PPFIA2: variants seen among roughly 807,000 people sequenced by gnomAD.
PPFIA2 encodes the protein liprin-alpha-2.
A neutral mutation model predicts 175.5 loss-of-function variants in PPFIA2; 46 were observed. The ratio of observed to expected loss-of-function variants is 0.26; its 90% confidence interval spans 0.21 to 0.34. The LOEUF is 0.34. PPFIA2 is among the 10% of genes least tolerant of loss of function. The probability of loss-of-function intolerance (pLI) is 1.00; values close to 1 mark genes in which losing one functional copy is unlikely to be tolerated. For synonymous variants in PPFIA2, 568 were observed against 511.4 expected (o/e 1.11, Z -1.49); for missense variants, 1,179 against 1,506.1 (o/e 0.78, Z 3.60).
At chr12:81,375,174 T>G (rs2036078395) in intron 10 of PPFIA2, among the ~76,000 whole-genome samples, 1 of 152,174 alleles carries the variant, frequency 6.6e-6, no homozygotes, top group African/African-American at 2.4e-5. Context: ...AAACATTTTC[T>G]GTAACAGGTC....
At chr12:81,581,028 A>G (rs747100485) in intron 4 of PPFIA2, among the ~76,000 whole-genome samples, 1 of 151,864 alleles carries the variant, frequency 6.6e-6, no homozygotes, top group East Asian at 1.9e-4. Context: ...ACACATTCAT[A>G]TATTGCACCG....
chr12:81,361,845 C>T (rs565271776), intron 15 of PPFIA2, among the ~76,000 whole-genome samples: 13 of 151,618 alleles, frequency 8.6e-5, no homozygotes, highest in South Asian at 4.1e-4. Flanking sequence ...AAGTTTCAAA[C>T]GGCTGCTATT....
In PPFIA2 at chr12:81,274,887, G is replaced by GT. The variant is rs557227976; in HGVS notation, c.3310+2429dup. 2.6e-3 allele frequency among the ~76,000 whole-genome samples: 395 copies of GT among 151,606 alleles called. 3 individuals are homozygous for GT. Among genetic ancestry groups the GT allele is most frequent in the African/African-American group, 8.0e-3 (332 of 41,328 alleles). ...TGTGTGATCATAATGAATCATGGCA[G>GT]TTTTTTTTTCCTCAGAGCTACACTC... On this transcript the variant is annotated intron_variant, in intron 28 of 32. Coordinates refer to ENST00000549396, the MANE Select transcript of PPFIA2 (RefSeq NM_003625.5).
chr12:81,661,088 A>G (rs1418730006), intron 4 of PPFIA2, among the ~76,000 whole-genome samples: 3 of 152,248 alleles, frequency 2.0e-5, no homozygotes, highest in African/African-American at 7.2e-5. Flanking sequence ...AGCCACTGCA[A>G]AAACATGCCA....
At chr12:81,626,796 G>A (rs1010161271) in intron 4 of PPFIA2, among the ~76,000 whole-genome samples, 4 of 151,956 alleles carry the variant, frequency 2.6e-5, no homozygotes, top group South Asian at 2.1e-4. Context: ...GGGTGAGCAA[G>A]GATTTTTGAG....
At chr12:81,586,787 C>G (rs988887001) in intron 4 of PPFIA2, among the ~76,000 whole-genome samples, 2 of 151,880 alleles carry the variant, frequency 1.3e-5, no homozygotes, top group South Asian at 2.1e-4. Flanking sequence ...ATATAAAATA[C>G]TTAAAGTAGT....
At chr12:81,484,147 C>A (rs1193474754) in intron 4 of PPFIA2, among the ~76,000 whole-genome samples, 1 of 151,896 alleles carries the variant, frequency 6.6e-6, no homozygotes, top group Admixed American at 6.6e-5. Context: ...TTTCATTTTT[C>A]TGCCCTATGA....
chr12:81,625,107 T>C (rs1446158567), intron 4 of PPFIA2, among the ~76,000 whole-genome samples: 1 of 151,912 alleles, frequency 6.6e-6, no homozygotes, highest in African/African-American at 2.4e-5. Context: ...AATATGTTTG[T>C]ATGAATAGAT....
chr12:81,753,405 C>A (rs1283566920), intron 3 of PPFIA2, among the ~76,000 whole-genome samples: 1 of 151,218 alleles, frequency 6.6e-6, no homozygotes. Flanking sequence ...AACTTTTTCC[C>A]TTTCACCAAT....
At chr12:81,531,691 G>C (rs770656350) in intron 4 of PPFIA2, among the ~76,000 whole-genome samples, 3 of 151,340 alleles carry the variant, frequency 2.0e-5, no homozygotes, top group Non-Finnish European at 4.4e-5. Context: ...GAACATTGTA[G>C]AATATTTAAA....
At chr12:81,574,533 C>T (rs764531104) in intron 4 of PPFIA2, among the ~76,000 whole-genome samples, 147 of 151,750 alleles carry the variant, frequency 9.7e-4, no homozygotes, top group South Asian at 1.0e-3. Context: ...TAAAAGATTG[C>T]ATCCTTCTAT....
At chr12:81,583,467 A>G (rs2074720263) in intron 4 of PPFIA2, among the ~76,000 whole-genome samples, 1 of 151,898 alleles carries the variant, frequency 6.6e-6, no homozygotes, top group South Asian at 2.1e-4. Context: ...CAATAAATAC[A>G]GTAAAGATCA....
intron 22 of PPFIA2, among the ~76,000 whole-genome samples, chr12:81,300,840 CAAAT>C (rs1474294600): frequency 1.3e-5 from 2 of 152,084 alleles, no homozygotes; most frequent in Non-Finnish European, 2.9e-5. Flanking sequence ...GGATCAAAAA[CAAAT>C]AACCTATTAG....
intron 8 of PPFIA2, among the ~76,000 whole-genome samples, chr12:81,398,758 G>A (rs1255664110): frequency 6.6e-6 from 1 of 152,120 alleles, no homozygotes; most frequent in Admixed American, 6.6e-5. Flanking sequence ...ATTAAGGCAT[G>A]TCCTGTTGAA....
intron 4 of PPFIA2, among the ~76,000 whole-genome samples, chr12:81,559,313 C>A (rs2069485436): frequency 6.6e-6 from 1 of 152,158 alleles, no homozygotes; most frequent in Non-Finnish European, 1.5e-5. Flanking sequence ...CATGTGCATG[C>A]ACGTGCATGT....
At chr12:81,292,424 A>G (rs1341828027) in intron 24 of PPFIA2, 1 of 152,148 alleles carries the variant, frequency 6.6e-6, no homozygotes, top group Non-Finnish European at 1.5e-5. Flanking sequence ...CTCCTGAGAC[A>G]ACATGACCAA....
chr12:81,363,147 A>T (rs936078222), intron 14 of PPFIA2, among the ~76,000 whole-genome samples: 1 of 151,566 alleles, frequency 6.6e-6, no homozygotes, highest in Non-Finnish European at 1.5e-5. Context: ...AAGAACTTTC[A>T]TTATTCTATG....
chr12:81,707,405 A>C (rs1315632748), intron 3 of PPFIA2, among the ~76,000 whole-genome samples: 1 of 152,224 alleles, frequency 6.6e-6, no homozygotes, highest in Admixed American at 6.5e-5. Context: ...TATGCAGCCA[A>C]AAAACACATG....
intron 14 of PPFIA2, among the ~76,000 whole-genome samples, chr12:81,365,108 C>T (rs1280047423): frequency 6.6e-6 from 1 of 151,584 alleles, no homozygotes; most frequent in African/African-American, 2.4e-5. Context: ...TGTTTAAATC[C>T]AGGAGATCAG....
Sources: allele counts gnomAD v4.1 joint callset (sites outside exome capture counted in the v4.1 genomes callset), GRCh38; gene constraint gnomAD v4.1.1; transcripts MANE v1.5; gene names NCBI Gene and HGNC (gene_info 2026-07-23, HGNC 2026-07-21).